FNBP1: variants seen among roughly 807,000 people sequenced by gnomAD.
FNBP1 encodes the protein formin binding protein 1.
In FNBP1, 26 loss-of-function variants were observed where a neutral mutation model predicts 90.6. The observed-to-expected ratio is 0.29, with a 90% CI of 0.21 to 0.40. The LOEUF (loss-of-function observed/expected upper bound fraction) is 0.40. FNBP1 is among the 10% of genes least tolerant of loss of function. The pLI, the probability that FNBP1 is intolerant of heterozygous loss-of-function variation, is 1.00. For missense variants in FNBP1, 635 were observed against 768.0 expected, an observed-to-expected ratio of 0.83 and a Z score of 2.05; for synonymous variants, 260 against 265.2, an observed-to-expected ratio of 0.98 and a Z score of 0.19.
In FNBP1 at chr9:130,020,620, A is replaced by G. The variant is rs183435446; in HGVS notation, c.24+22332T>C. Among the ~76,000 whole-genome samples, 242 of 152,306 alleles carry G rather than the reference A, an allele frequency of 1.6e-3. 1 individual carries two copies. The highest frequency in any genetic ancestry group is 5.2e-3 in the Admixed American group (80 of 15,288). ...GTAACACTTAAACTACTTCGCATCAACATAAAACCAAAAGGTACTAAGAAT... is the reference window on the plus strand; with the variant it reads ...GTAACACTTAAACTACTTCGCATCAGCATAAAACCAAAAGGTACTAAGAAT... On this transcript the variant is annotated intron_variant, in intron 1 of 16. Coordinates refer to ENST00000446176, the MANE Select transcript of FNBP1 (RefSeq NM_015033.3).
chr9:130,015,337 A>C (rs901327528), intron 1 of FNBP1, among the ~76,000 whole-genome samples: 2 of 152,214 alleles, frequency 1.3e-5, no homozygotes, highest in Non-Finnish European at 2.9e-5. Context: ...ATTTATTTAC[A>C]TTCCCATGAG....
At chr9:129,955,288 CA>C (rs1431377050) in intron 6 of FNBP1, among the ~76,000 whole-genome samples, 1 of 151,638 alleles carries the variant, frequency 6.6e-6, no homozygotes. Flanking sequence ...GGCTGGAGTG[CA>C]GCAGCAGGAT....
intron 6 of FNBP1, among the ~76,000 whole-genome samples, chr9:129,944,239 A>G (rs1456785167): frequency 6.6e-6 from 1 of 151,818 alleles, no homozygotes; most frequent in Non-Finnish European, 1.5e-5. Flanking sequence ...GATGCCCAGA[A>G]TGCCTAGAAT....
intron 4 of FNBP1, among the ~76,000 whole-genome samples, chr9:129,963,388 TA>T (rs1282291778): frequency 6.6e-6 from 1 of 152,152 alleles, no homozygotes; most frequent in Non-Finnish European, 1.5e-5. Flanking sequence ...GAAAAATCCA[TA>T]GAGTGGTTCC....
chr9:129,895,404 C>G (rs1023091550), intron 16 of FNBP1: 2 of 1,091,168 alleles, frequency 1.8e-6, no homozygotes, highest in East Asian at 4.8e-5. Context: ...CTGTAACCAC[C>G]TAATGTAGCT....
chr9:129,948,356 CTTTTTTTTTTTTTT>C (rs71385491), intron 6 of FNBP1, among the ~76,000 whole-genome samples: 34 of 64,480 alleles, frequency 5.3e-4, no homozygotes, highest in African/African-American at 2.0e-3. Flanking sequence ...ATTTTGGTGT[CTTTTTTTTTTTTTT>C]TTTTTTTTTT....
At chr9:129,973,040 C>G (rs747199784) in intron 4 of FNBP1, among the ~76,000 whole-genome samples, 2 of 152,196 alleles carry the variant, frequency 1.3e-5, no homozygotes, top group Non-Finnish European at 2.9e-5. Flanking sequence ...AGTGTATGCT[C>G]ATAGAGTTTT....
chr9:129,895,070 ACAC>A (rs751424064), intron 16 of FNBP1, among the ~76,000 whole-genome samples: 17 of 152,196 alleles, frequency 1.1e-4, no homozygotes, highest in Non-Finnish European at 2.2e-4. Flanking sequence ...AACAACAAAA[ACAC>A]AAACACAACA....
At chr9:129,944,992 C>T (rs2045012212) in intron 6 of FNBP1, among the ~76,000 whole-genome samples, 2 of 152,182 alleles carry the variant, frequency 1.3e-5, no homozygotes, top group South Asian at 2.1e-4. Flanking sequence ...CACACACACA[C>T]ATAAATAAAT....
rs542097312 is a variant in FNBP1, at chr9:129,887,337, G to A, written c.*3202C>T. On this transcript the variant is annotated 3_prime_UTR_variant, in exon 17 of 17. Transcript: ENST00000446176. ...TTACAGTGGCGATCGGCCTCACACA[G>A]CAAAATGCCTCCAAAGTTTAGAATT... The A allele has an allele frequency of 2.9e-4, 58 of 198,852 alleles. No individual in the cohort carries two copies. The highest frequency in any genetic ancestry group is 1.2e-3 in the African/African-American group (52 of 43,502). 12.3% of individuals were successfully genotyped at this position (198,852 alleles called of 1,614,324 possible).
intron 15 of FNBP1, among the ~76,000 whole-genome samples, chr9:129,898,767 C>T (rs1182716265): frequency 2.0e-5 from 3 of 152,058 alleles, no homozygotes; most frequent in Admixed American, 1.3e-4. Context: ...GGATTACAGG[C>T]GTGAGCCACT....
At chr9:129,913,655 C>T (rs1227808912) in intron 11 of FNBP1, among the ~76,000 whole-genome samples, 5 of 151,928 alleles carry the variant, frequency 3.3e-5, no homozygotes, top group Non-Finnish European at 7.4e-5. Context: ...CCTATAATCC[C>T]AGCTACTCGA....
intron 1 of FNBP1, among the ~76,000 whole-genome samples, chr9:130,007,812 T>A (rs1006929970): frequency 3.0e-4 from 46 of 151,984 alleles, no homozygotes; most frequent in Non-Finnish European, 1.5e-5. Flanking sequence ...GGTCAGGAGT[T>A]CAAGACCAGC....
Position 130,042,009 on chromosome 9 carries a change from C to T in FNBP1, c.24+943G>A, listed in dbSNP as rs2059867088. On this transcript the variant is annotated intron_variant, in intron 1 of 16. Transcript: ENST00000446176. The surrounding 1 kb of genome is among the most constrained non-coding windows in gnomAD (Gnocchi z 5.5). The stretch of plus-strand genomic sequence containing the variant: ...TGCAGTAACTGAGATTTCGTCTGCT[C>T]CTTCCCGGGCCGCCGCACTGCCCAT... Among the ~76,000 whole-genome samples, 1 of 152,100 alleles carries T rather than the reference C, an allele frequency of 6.6e-6. No individual in the cohort carries two copies. Among genetic ancestry groups the T allele is most frequent in the Non-Finnish European group, 1.5e-5 (1 of 68,014 alleles).
At chr9:129,928,619 C>A (rs1290743022) in intron 7 of FNBP1, among the ~76,000 whole-genome samples, 3 of 151,304 alleles carry the variant, frequency 2.0e-5, no homozygotes, top group Non-Finnish European at 4.4e-5. Flanking sequence ...TGAGATCATG[C>A]CACTGCATTC....
chr9:129,920,302 G>A (rs917719005), intron 10 of FNBP1, among the ~76,000 whole-genome samples: 1 of 152,046 alleles, frequency 6.6e-6, no homozygotes. Flanking sequence ...ACTGTTTTAA[G>A]TGTTAATCTT....
At chr9:130,033,982 C>T (rs1359663123) in intron 1 of FNBP1, among the ~76,000 whole-genome samples, 9 of 148,416 alleles carry the variant, frequency 6.1e-5, no homozygotes, top group Non-Finnish European at 8.9e-5. Context: ...CGCCACCGCA[C>T]TCCAGCCTGG....
intron 1 of FNBP1, among the ~76,000 whole-genome samples, chr9:130,024,566 G>T (rs1057498117): frequency 2.6e-5 from 4 of 152,250 alleles, no homozygotes; most frequent in African/African-American, 9.6e-5. Flanking sequence ...TTCTAGATCT[G>T]CTTGAAGTTA....
chr9:129,895,788 A>AT (rs767653326), intron 16 of FNBP1, 50 bp downstream of exon 16: 11 of 1,479,942 alleles, frequency 7.4e-6, no homozygotes, highest in Admixed American at 2.6e-5. Context: ...AAACAACTCC[A>AT]TTTTTTTTAA....
Sources: gnomAD v4.1 joint callset for allele counts (sites outside exome capture counted in the v4.1 genomes callset) on GRCh38, gnomAD v4.1.1 for gene constraint, Gnocchi (gnomAD v3.1) non-coding constraint, MANE v1.5 for transcripts, NCBI Gene and HGNC (gene_info 2026-07-23, HGNC 2026-07-21) for gene names.